The following NEK1 variants were observed in gnomAD, a reference collection of about 807,000 sequenced individuals.
The protein encoded by NEK1 is NIMA related kinase 1.
In NEK1, 137 loss-of-function variants were observed where a neutral mutation model predicts 182.1. The ratio of observed to expected loss-of-function variants is 0.75; its 90% CI spans 0.65 to 0.87. The LOEUF (loss-of-function observed/expected upper bound fraction) is 0.87. NEK1 is among the 40% of genes least tolerant of loss of function. NEK1 has a pLI of 0.00. For missense variants in NEK1, 1,391 were observed against 1,494.4 expected (o/e 0.93, Z 1.14); for synonymous variants, 513 against 492.2 (o/e 1.04, Z -0.56).
At chr4:169,436,913 G>C (rs547493328) in intron 28 of NEK1, among the ~76,000 whole-genome samples, 15 of 152,344 alleles carry the variant, frequency 9.8e-5, no homozygotes, top group African/African-American at 3.4e-4. Flanking sequence ...AGAAACATGA[G>C]TGGCTTTTGT....
chr4:169,591,831 A>C (rs1410347292), intron 5 of NEK1, among the ~76,000 whole-genome samples: 1 of 152,190 alleles, frequency 6.6e-6, no homozygotes, highest in Non-Finnish European at 1.5e-5. Context: ...AGCAAAATAC[A>C]TATAATCAAG....
chr4:169,490,289 T>C (rs1749819209), intron 23 of NEK1, among the ~76,000 whole-genome samples: 1 of 152,094 alleles, frequency 6.6e-6, no homozygotes, highest in Non-Finnish European at 1.5e-5. Context: ...ACAGAGCCAA[T>C]GCACCCTGCT....
At chr4:169,566,404 A>G (rs1763682993) in intron 12 of NEK1, among the ~76,000 whole-genome samples, 1 of 152,220 alleles carries the variant, frequency 6.6e-6, no homozygotes, top group Non-Finnish European at 1.5e-5. Context: ...GAATAATACG[A>G]AACACAAAAC....
intron 12 of NEK1, among the ~76,000 whole-genome samples, chr4:169,564,643 A>G (rs186821059): frequency 1.3e-3 from 191 of 152,272 alleles, no homozygotes; most frequent in Non-Finnish European, 2.1e-3. Context: ...ACTGAAAACA[A>G]TTCAAGAGGA....
At chr4:169,536,848 C>T (rs957294970) in intron 19 of NEK1, among the ~76,000 whole-genome samples, 2 of 152,088 alleles carry the variant, frequency 1.3e-5, no homozygotes, top group Non-Finnish European at 2.9e-5. Context: ...TTCTCATCTA[C>T]TATCTAGAGG....
rs60579393 is a variant in NEK1, at chr4:169,585,808, A to G, written c.607-259T>C. On this transcript the variant is annotated intron_variant, in intron 9 of 35. Transcript: ENST00000507142. ...ATTAAATAAACGTTTCATAAACTAT[A>G]ACAATAATCAAATGGTGAAAGGTTA... Among the ~76,000 whole-genome samples the G allele has an allele frequency of 0.21, 32,112 of 152,060 alleles. 3,844 individuals carry two copies. The highest frequency in any genetic ancestry group is 0.33 in the African/African-American group (13,642 of 41,432).
chr4:169,437,010 C>T (rs1490203747), intron 28 of NEK1, among the ~76,000 whole-genome samples: 2 of 152,168 alleles, frequency 1.3e-5, no homozygotes, highest in Non-Finnish European at 2.9e-5. Context: ...TAAGCTCAGA[C>T]TGAAGGGGAC....
At chr4:169,507,261 G>C (rs1753466890) in intron 22 of NEK1, 129 bp from the exon 23 acceptor site, 2 of 528,594 alleles carry the variant, frequency 3.8e-6, no homozygotes, top group Admixed American at 3.9e-5. Flanking sequence ...TGTGGTCTTA[G>C]AATAAAAATG....
chr4:169,513,148 T>C (rs540046573), intron 19 of NEK1, among the ~76,000 whole-genome samples: 26 of 152,284 alleles, frequency 1.7e-4, no homozygotes, highest in Admixed American at 1.4e-3. Flanking sequence ...GAGATTTTAG[T>C]AAGAATTGCA....
At chr4:169,442,235 G>A (rs1458011533) in intron 27 of NEK1, among the ~76,000 whole-genome samples, 2 of 152,174 alleles carry the variant, frequency 1.3e-5, no homozygotes, top group Non-Finnish European at 2.9e-5. Context: ...TGGGGCCTGA[G>A]GACTGGCTCA....
intron 12 of NEK1, among the ~76,000 whole-genome samples, chr4:169,569,511 CTCTCTTTCCA>C: frequency 8.0e-5 from 12 of 149,294 alleles, no homozygotes; most frequent in African/African-American, 2.2e-4. Context: ...CTCCCTCTCC[CTCTCTTTCCA>C]CAGTCTCCCT....
In NEK1 at chr4:169,400,337, A is replaced by G; in HGVS notation, c.3735T>C (p.Asp1245=). 1 of 1,523,494 alleles carries G rather than the reference A, an allele frequency of 6.6e-7. No individual in the cohort carries two copies. The highest frequency in any genetic ancestry group is 1.4e-5 in the African/African-American group (1 of 72,614). The allele number at this position is 1,523,494 out of a possible 1,614,324, so 94.4% of individuals were successfully genotyped here. The part of the protein sequence containing the change: ...EKIKAIHEDE[D]ENIEICSKIV... ...TTTTTGAACAAATTTCAATATTTTC[A>G]TCTTCATCTTCATGAATAGCCTATA... The change falls in exon 35 of 36, where the codon GAT becomes GAC. Residue 1245 remains aspartate (D), a synonymous_variant. Coordinates refer to ENST00000507142, the MANE Select transcript of NEK1 (RefSeq NM_001199397.3).
At chr4:169,427,788 G>C (rs865877609) in intron 29 of NEK1, among the ~76,000 whole-genome samples, 5 of 151,174 alleles carry the variant, frequency 3.3e-5, no homozygotes, top group Non-Finnish European at 5.9e-5. Flanking sequence ...AAGCCACCAT[G>C]TCCAGCCTCT....
At chr4:169,423,716 T>C (rs370346873) in intron 31 of NEK1, among the ~76,000 whole-genome samples, 1 of 152,148 alleles carries the variant, frequency 6.6e-6, no homozygotes, top group East Asian at 1.9e-4. Flanking sequence ...AGGGAAATAA[T>C]TGTAGATATG....
chr4:169,507,639 C>G, intron 22 of NEK1, 76 bp downstream of exon 22: 1 of 1,063,314 alleles, frequency 9.4e-7, no homozygotes, highest in Non-Finnish European at 1.4e-6. Context: ...TATAACTATG[C>G]AAAACTTAAG....
At chr4:169,543,205 T>C (rs1193312766) in intron 18 of NEK1, among the ~76,000 whole-genome samples, 1 of 152,216 alleles carries the variant, frequency 6.6e-6, no homozygotes, top group African/African-American at 2.4e-5. Flanking sequence ...TTTCTGCATA[T>C]GGCTAGCCAG....
At chr4:169,406,431 G>A (rs571972798) in intron 32 of NEK1, among the ~76,000 whole-genome samples, 165 bp downstream of exon 32, 1 of 148,890 alleles carries the variant, frequency 6.7e-6, no homozygotes, top group Non-Finnish European at 1.5e-5. Flanking sequence ...CCAGCTAGGT[G>A]ACAGAGTGAG....
intron 11 of NEK1, among the ~76,000 whole-genome samples, chr4:169,577,411 A>T (rs1427950574): frequency 6.6e-6 from 1 of 152,218 alleles, no homozygotes; most frequent in African/African-American, 2.4e-5. Context: ...TACTAAAAAA[A>T]ATTTAATTGT....
At chr4:169,589,401 T>A in intron 7 of NEK1, 46 bp downstream of exon 7, 1 of 1,063,050 alleles carries the variant, frequency 9.4e-7, no homozygotes, top group Non-Finnish European at 1.4e-6. Flanking sequence ...GGATTGAAGG[T>A]TCGCTGAAAA....
Sources: allele counts gnomAD v4.1 joint callset (sites outside exome capture counted in the v4.1 genomes callset), GRCh38; gene constraint gnomAD v4.1.1; transcripts MANE v1.5; gene names NCBI Gene and HGNC (gene_info 2026-07-23, HGNC 2026-07-21).